The following GNAO1 variants were observed in gnomAD, a reference collection of about 807,000 sequenced individuals.
GNAO1 encodes the protein guanine nucleotide-binding protein G(o) subunit alpha.
For missense variants in GNAO1, 166 were observed against 478.7 expected (o/e 0.35, Z 6.10); for synonymous variants, 164 against 180.7 (o/e 0.91, Z 0.74).
chr16:56,351,817 G>A lies in GNAO1; in HGVS notation c.877+280G>A, dbSNP rs1567496530. On this transcript the variant is annotated intron_variant, in intron 7 of 8. Coordinates refer to ENST00000262493, the MANE Select transcript of GNAO1 (RefSeq NM_020988.3). The surrounding 1 kb of genome is among the most constrained non-coding windows in gnomAD (Gnocchi z 6.1). Reference sequence around the variant, plus strand: ...GAGCAGGGGGCAGGACAGGATCACAGGCTTCCCCCTTCCTCCTGGTCACCC... The same window carrying A: ...GAGCAGGGGGCAGGACAGGATCACAAGCTTCCCCCTTCCTCCTGGTCACCC... The A allele has an allele frequency of 1.6e-5, 6 of 384,128 alleles. No individual in the cohort carries two copies. Among genetic ancestry groups the A allele is most frequent in the African/African-American group, 2.0e-5 (1 of 49,380 alleles). The allele number at this position is 384,128 out of a possible 1,614,324, so 23.8% of individuals were successfully genotyped here.
chr16:56,348,138 T>C (rs561076759), intron 6 of GNAO1: 5 of 970,266 alleles, frequency 5.2e-6, no homozygotes, highest in Non-Finnish European at 3.7e-6. Flanking sequence ...TGTAATAATT[T>C]ATTGGCTGCC....
chr16:56,199,059 G>A (rs1567435104), intron 2 of GNAO1, among the ~76,000 whole-genome samples: 1 of 152,218 alleles, frequency 6.6e-6, no homozygotes, highest in African/African-American at 2.4e-5. Context: ...AGTTGGACCA[G>A]GGCTACCCCA....
At chr16:56,224,319 A>G (rs1364126246) in intron 2 of GNAO1, among the ~76,000 whole-genome samples, 2 of 152,136 alleles carry the variant, frequency 1.3e-5, no homozygotes, top group Non-Finnish European at 1.5e-5. Context: ...CCTTTGGAGA[A>G]GCCTATCTGA....
chr16:56,218,532 C>T (rs550049852), intron 2 of GNAO1, among the ~76,000 whole-genome samples: 2 of 152,290 alleles, frequency 1.3e-5, no homozygotes, highest in South Asian at 2.1e-4. Context: ...ATACTTGGCT[C>T]GGTGGGCCAC....
At chr16:56,298,805 C>T (rs371885130) in intron 3 of GNAO1, among the ~76,000 whole-genome samples, 7 of 151,280 alleles carry the variant, frequency 4.6e-5, no homozygotes, top group Non-Finnish European at 7.4e-5. Flanking sequence ...GTCCCAGCTA[C>T]TTAGGAGGCT....
At chr16:56,330,455 C>G (rs1302249420) in intron 4 of GNAO1, among the ~76,000 whole-genome samples, 2 of 146,228 alleles carry the variant, frequency 1.4e-5, no homozygotes, top group African/African-American at 5.0e-5. Flanking sequence ...ACCCATTTCA[C>G]TAATTATAAC....
At chr16:56,347,900 T>C (rs2037887816) in intron 6 of GNAO1, 7 of 941,892 alleles carry the variant, frequency 7.4e-6, no homozygotes, top group Admixed American at 6.2e-5. Context: ...ATCCCCTGGC[T>C]CTGCCCGCCG....
At chr16:56,229,609 GTGGA>G (rs149366140) in intron 2 of GNAO1, among the ~76,000 whole-genome samples, 23,340 of 151,052 alleles carry the variant, frequency 0.15, 1,885 homozygotes, top group African/African-American at 0.19. Flanking sequence ...GGATGGGTGG[GTGGA>G]TGGATGGATG....
chr16:56,318,344 G>A (rs759423568), intron 3 of GNAO1, among the ~76,000 whole-genome samples: 3 of 152,236 alleles, frequency 2.0e-5, no homozygotes. Flanking sequence ...CCCCCCAGCG[G>A]CTGGGGTCTC....
At chr16:56,250,851 T>A (rs1195209602) in intron 2 of GNAO1, among the ~76,000 whole-genome samples, 1 of 152,240 alleles carries the variant, frequency 6.6e-6, no homozygotes, top group Non-Finnish European at 1.5e-5. Context: ...TGATTCTGAT[T>A]GACTTATGTT....
intron 3 of GNAO1, among the ~76,000 whole-genome samples, chr16:56,282,761 G>A (rs1345653183): frequency 6.6e-6 from 1 of 152,218 alleles, no homozygotes; most frequent in Non-Finnish European, 1.5e-5. Context: ...ACATTGGTTT[G>A]GCCCAAAAAA....
chr16:56,198,518 C>T (rs1295542440), intron 2 of GNAO1, among the ~76,000 whole-genome samples: 1 of 152,188 alleles, frequency 6.6e-6, no homozygotes, highest in East Asian at 1.9e-4. Flanking sequence ...AAACAGGCTG[C>T]CTGGCTTCAA....
intron 2 of GNAO1, among the ~76,000 whole-genome samples, chr16:56,210,535 A>T (rs1199317894): frequency 6.6e-6 from 1 of 152,270 alleles, no homozygotes; most frequent in Non-Finnish European, 1.5e-5. Context: ...CATTTCTACC[A>T]GCAACAAATG....
At chr16:56,330,479 C>CAA (rs11403773) in intron 4 of GNAO1, among the ~76,000 whole-genome samples, 19 of 151,432 alleles carry the variant, frequency 1.3e-4, no homozygotes, top group East Asian at 9.7e-4. Flanking sequence ...AATCCATTAC[C>CAA]AAAAAAAAAT....
rs1301302019 is a variant in GNAO1 at position 56,276,026 on chromosome 16, G to A, written c.257G>A (p.Arg86Gln). 5.6e-6 allele frequency: 9 copies of A among 1,613,914 alleles called. No individual in the cohort carries two copies. The African/African-American group carries it at 8.0e-5, about 14-fold the overall frequency. ...NTIQSLAAIV[R>Q]AMDTLGIEYG... ...ATCCAGTCCCTGGCAGCCATCGTCC[G>A]GGCCATGGACACTTTGGGCATCGAA... Residue 86 changes from arginine to glutamine, a missense_variant, in exon 3 of 9, where the codon CGG becomes CAG. By Grantham distance (43) the Arg-to-Gln change is conservative (BLOSUM62 1). Transcript: ENST00000262493.
intron 3 of GNAO1, among the ~76,000 whole-genome samples, chr16:56,297,949 A>G (rs1157807442): frequency 6.6e-6 from 1 of 152,214 alleles, no homozygotes; most frequent in African/African-American, 2.4e-5. Context: ...TGGGCGGATC[A>G]CTTGAGCCCA....
chr16:56,325,884 G>A (rs1033686607), intron 3 of GNAO1, among the ~76,000 whole-genome samples: 37 of 152,192 alleles, frequency 2.4e-4, no homozygotes, highest in African/African-American at 8.0e-4. Flanking sequence ...TGGGTTGGGG[G>A]ACGCTTGTCT....
Position 56,351,184 on chromosome 16 carries a change from C to T in GNAO1, c.724-200C>T, listed in dbSNP as rs957130645. Among the ~76,000 whole-genome samples the T allele has an allele frequency of 6.6e-6, 1 of 152,166 alleles. No individual in the cohort carries two copies. Among genetic ancestry groups the T allele is most frequent in the East Asian group, 1.9e-4 (1 of 5,190 alleles). ...CCAGTCCAGTCTCTGCCTCTGGCCCCGACATGACGGGTTCTCCGGAAGCAG... is the reference window on the plus strand; with the variant it reads ...CCAGTCCAGTCTCTGCCTCTGGCCCTGACATGACGGGTTCTCCGGAAGCAG... On this transcript the variant is annotated intron_variant, in intron 6 of 8. Transcript: ENST00000262493. The surrounding 1 kb of genome is among the most constrained non-coding windows in gnomAD (Gnocchi z 6.1).
chr16:56,347,427 G>T, intron 6 of GNAO1: 3 of 985,666 alleles, frequency 3.0e-6, no homozygotes, highest in Non-Finnish European at 2.4e-6. Flanking sequence ...GGGGTCTGTG[G>T]TAGGGCTCCC....
Sources: allele counts gnomAD v4.1 joint callset (sites outside exome capture counted in the v4.1 genomes callset), GRCh38; gene constraint gnomAD v4.1.1; non-coding constraint Gnocchi (gnomAD v3.1); transcripts MANE v1.5; gene names NCBI Gene and HGNC (gene_info 2026-07-23, HGNC 2026-07-21).